CAB39: variants seen among roughly 807,000 people sequenced by gnomAD.
CAB39 encodes calcium binding protein 39.
Under a neutral mutation model 40.0 loss-of-function variants are expected in CAB39, and 8 were observed. The ratio of observed to expected loss-of-function variants is 0.20; its 90% CI spans 0.12 to 0.36. The LOEUF (loss-of-function observed/expected upper bound fraction) is 0.36. CAB39 is among the 10% of genes least tolerant of loss of function. The pLI is 1.00. For missense variants in CAB39, 270 were observed against 401.1 expected, an observed-to-expected ratio of 0.67 and a Z score of 2.79; for synonymous variants, 156 against 141.6, an observed-to-expected ratio of 1.10 and a Z score of -0.72.
rs180998990 is a variant in CAB39, at chr2:230,798,702, T to G, written c.399-27T>G. On this transcript the variant is annotated intron_variant, in intron 4 of 8. Transcript: ENST00000258418. ...TTTGAAAAAGCAATCATGTTTGGTT[T>G]GTTTGTTTGGTTTTTTGTTTTTGCA... 2.7e-5 allele frequency: 42 copies of G among 1,566,076 alleles called. No homozygotes were observed. In the East Asian group the frequency reaches 7.7e-4, roughly 29 times the overall value.
At chr2:230,762,135 G>A (rs1467379583) in intron 2 of CAB39, among the ~76,000 whole-genome samples, 1 of 151,926 alleles carries the variant, frequency 6.6e-6, no homozygotes, top group Non-Finnish European at 1.5e-5. Flanking sequence ...CTCGAACTCC[G>A]CACCTCAGGT....
intron 1 of CAB39, among the ~76,000 whole-genome samples, chr2:230,745,042 T>A (rs61479910): frequency 0.033 from 4,983 of 152,304 alleles, 266 homozygotes; most frequent in African/African-American, 0.11. Flanking sequence ...AAGAAAATTT[T>A]TAAGGATTAA....
chr2:230,787,357 C>T (rs1695811470), intron 2 of CAB39, among the ~76,000 whole-genome samples: 1 of 152,004 alleles, frequency 6.6e-6, no homozygotes, highest in African/African-American at 2.4e-5. Flanking sequence ...TGAGGCAGGT[C>T]ATGGGAGACA....
intron 1 of CAB39, among the ~76,000 whole-genome samples, chr2:230,732,677 G>C (rs1413361663): frequency 6.6e-6 from 1 of 152,164 alleles, no homozygotes; most frequent in East Asian, 1.9e-4. Flanking sequence ...CTCGTGTTTA[G>C]ATTCTTGCCG....
intron 4 of CAB39, among the ~76,000 whole-genome samples, chr2:230,797,048 G>A (rs1350621646): frequency 1.3e-5 from 2 of 152,144 alleles, no homozygotes; most frequent in Non-Finnish European, 2.9e-5. Context: ...AAGCTCCCAA[G>A]CTGGAAATGC....
chr2:230,749,367 A>AT (rs1695045329), intron 1 of CAB39, among the ~76,000 whole-genome samples: 1 of 151,990 alleles, frequency 6.6e-6, no homozygotes, highest in South Asian at 2.1e-4. Flanking sequence ...CTACTCTTTC[A>AT]TGAAGTCTTG....
chr2:230,733,148 G>A (rs7604147), intron 1 of CAB39, among the ~76,000 whole-genome samples: 54,691 of 151,942 alleles, frequency 0.36, 13,628 homozygotes, highest in African/African-American at 0.71. Flanking sequence ...AGTAGGGGTG[G>A]CCAAGTGTCC....
intron 1 of CAB39, among the ~76,000 whole-genome samples, chr2:230,720,699 C>T (rs1694434465): frequency 6.6e-6 from 1 of 152,178 alleles, no homozygotes; most frequent in Admixed American, 6.5e-5. Flanking sequence ...GGGTTACAGG[C>T]GTGAGCCACC....
chr2:230,742,160 TTTG>T (rs1694889301), intron 1 of CAB39, among the ~76,000 whole-genome samples: 2 of 61,156 alleles, frequency 3.3e-5, no homozygotes, highest in African/African-American at 6.6e-5. Context: ...TTTTGTTTTG[TTTG>T]TTTGTTTGTT....
At chr2:230,728,622 T>C (rs984371382) in intron 1 of CAB39, among the ~76,000 whole-genome samples, 1 of 152,146 alleles carries the variant, frequency 6.6e-6, no homozygotes, top group East Asian at 1.9e-4. Flanking sequence ...TTTTATATGT[T>C]TTTTTGAGAC....
At chr2:230,788,551 G>A (rs1411741764) in intron 2 of CAB39, among the ~76,000 whole-genome samples, 1 of 152,056 alleles carries the variant, frequency 6.6e-6, no homozygotes, top group African/African-American at 2.4e-5. Flanking sequence ...TTTTTCTTCA[G>A]CCAGTAGGAC....
intron 2 of CAB39, among the ~76,000 whole-genome samples, chr2:230,772,947 G>GTA (rs1222929336): frequency 7.2e-6 from 1 of 138,298 alleles, no homozygotes; most frequent in Non-Finnish European, 1.5e-5. Flanking sequence ...TAAACCAACT[G>GTA]TAGTACATCC....
chr2:230,757,743 A>G (rs1216109914), intron 1 of CAB39, among the ~76,000 whole-genome samples: 2 of 152,208 alleles, frequency 1.3e-5, no homozygotes, highest in East Asian at 3.8e-4. Context: ...GATAGGAAAG[A>G]TAATATTTTC....
intron 4 of CAB39, among the ~76,000 whole-genome samples, chr2:230,795,420 T>C (rs1159687811): frequency 1.3e-5 from 2 of 152,258 alleles, no homozygotes; most frequent in Non-Finnish European, 2.9e-5. Context: ...TCATATATTT[T>C]AGACTTGGCA....
intron 1 of CAB39, among the ~76,000 whole-genome samples, chr2:230,758,772 T>C (rs1389853649): frequency 1.3e-5 from 2 of 152,164 alleles, no homozygotes; most frequent in Non-Finnish European, 2.9e-5. Context: ...TATAGGATGT[T>C]GAAACTTACA....
At chr2:230,805,400 T>TA (rs541428932) in intron 5 of CAB39, among the ~76,000 whole-genome samples, 52 of 147,448 alleles carry the variant, frequency 3.5e-4, no homozygotes, top group African/African-American at 7.7e-4. Context: ...AAAGTATAAT[T>TA]AAAAAAAAAA....
At chr2:230,783,245 T>A (rs1695725425) in intron 2 of CAB39, among the ~76,000 whole-genome samples, 1 of 152,180 alleles carries the variant, frequency 6.6e-6, no homozygotes, top group South Asian at 2.1e-4. Flanking sequence ...GCTCTGGACA[T>A]ATGCTCATTA....
intron 1 of CAB39, among the ~76,000 whole-genome samples, chr2:230,732,652 A>C (rs749780689): frequency 5.3e-5 from 8 of 152,224 alleles, no homozygotes; most frequent in Non-Finnish European, 8.8e-5. Flanking sequence ...TCAAAGATTC[A>C]GTAGGGAGAA....
At chr2:230,758,297 CAAAAAAAAAAA>C in intron 1 of CAB39, among the ~76,000 whole-genome samples, 1 of 73,442 alleles carries the variant, frequency 1.4e-5, no homozygotes, top group East Asian at 4.1e-4. Flanking sequence ...AGCGAGACTC[CAAAAAAAAAAA>C]AAAAAAAAAT....
Sources: allele counts gnomAD v4.1 joint callset (sites outside exome capture counted in the v4.1 genomes callset), GRCh38; gene constraint gnomAD v4.1.1; transcripts MANE v1.5; gene names NCBI Gene and HGNC (gene_info 2026-07-23, HGNC 2026-07-21).